GRIN2A: variants seen among roughly 807,000 people sequenced by gnomAD.
GRIN2A encodes glutamate receptor ionotropic, NMDA 2A.
Under a neutral mutation model 113.4 loss-of-function variants are expected in GRIN2A, and 22 were observed. The ratio of observed to expected loss-of-function variants is 0.19; its 90% CI spans 0.14 to 0.28. The LOEUF is 0.28. GRIN2A is among the 10% of genes least tolerant of loss of function. The pLI, the probability that GRIN2A is intolerant of heterozygous loss-of-function variation, is 1.00. For synonymous variants in GRIN2A, 827 were observed against 738.4 expected (o/e 1.12, Z -1.94); for missense variants, 1,502 against 1,887.0 (o/e 0.80, Z 3.78).
chr16:9,966,796 T>C (rs1555458995), intron 2 of GRIN2A, among the ~76,000 whole-genome samples: 1 of 152,082 alleles, frequency 6.6e-6, no homozygotes, highest in Non-Finnish European at 1.5e-5. Context: ...AGACTGACAA[T>C]CCCTGCCCCT....
At chr16:9,798,589 C>T (rs930265385) in intron 10 of GRIN2A, 125 bp from the exon 11 acceptor site, 2 of 672,998 alleles carry the variant, frequency 3.0e-6, no homozygotes, top group Non-Finnish European at 5.3e-6. Flanking sequence ...GACTCATGGC[C>T]TCTCCATCCC....
chr16:9,970,706 T>A, intron 2 of GRIN2A: 1 of 874,552 alleles, frequency 1.1e-6, no homozygotes, highest in Non-Finnish European at 1.4e-6. Context: ...AGTTAGGTAC[T>A]GAAGATAAAA....
intron 2 of GRIN2A, chr16:10,111,827 C>A (rs979413682): frequency 8.0e-7 from 1 of 1,245,296 alleles, no homozygotes; most frequent in Non-Finnish European, 1.2e-6. Context: ...GAGATGGGCA[C>A]CATGGGGAGC....
chr16:9,962,042 G>A (rs2045453420), intron 2 of GRIN2A, among the ~76,000 whole-genome samples: 1 of 152,126 alleles, frequency 6.6e-6, no homozygotes, highest in East Asian at 1.9e-4. Flanking sequence ...ATGGTGCTGG[G>A]AAAACTGCCT....
At chr16:9,881,020 G>T in intron 4 of GRIN2A, among the ~76,000 whole-genome samples, 1 of 152,284 alleles carries the variant, frequency 6.6e-6, no homozygotes, top group South Asian at 2.1e-4. Flanking sequence ...CATAGTGAGT[G>T]CTCAGGAAAT....
intron 2 of GRIN2A, among the ~76,000 whole-genome samples, chr16:9,958,650 A>C (rs772648800): frequency 2.0e-5 from 3 of 152,136 alleles, no homozygotes; most frequent in Non-Finnish European, 4.4e-5. Flanking sequence ...AATTACAGAG[A>C]GCTGGGGAAA....
chr16:10,030,879 G>A (rs560169892), intron 2 of GRIN2A, among the ~76,000 whole-genome samples: 1 of 152,092 alleles, frequency 6.6e-6, no homozygotes, highest in African/African-American at 2.4e-5. Context: ...ACATTCTAGT[G>A]GAAAAAGCAA....
chr16:10,135,017 A>G (rs1011564600), intron 2 of GRIN2A, among the ~76,000 whole-genome samples: 2 of 152,220 alleles, frequency 1.3e-5, no homozygotes, highest in African/African-American at 4.8e-5. Flanking sequence ...CATCTTTTGC[A>G]ATCCAGATAG....
chr16:9,980,266 CAAA>C (rs560335229), intron 2 of GRIN2A, among the ~76,000 whole-genome samples: 1 of 131,552 alleles, frequency 7.6e-6, no homozygotes, highest in African/African-American at 2.8e-5. Context: ...GAGACTGTCT[CAAA>C]AAAAAAAAAA....
At chr16:9,994,292 G>A (rs2243716) in intron 2 of GRIN2A, among the ~76,000 whole-genome samples, 128,919 of 152,150 alleles carry the variant, frequency 0.85, 54,984 homozygotes, top group African/African-American at 0.88. Context: ...CTATTTCAAG[G>A]GGTGACCTGG....
At chr16:9,868,266 A>C (rs2043195493) in intron 4 of GRIN2A, among the ~76,000 whole-genome samples, 1 of 151,700 alleles carries the variant, frequency 6.6e-6, no homozygotes, top group African/African-American at 2.4e-5. Context: ...CCAAACCATC[A>C]CTTTATTTTT....
intron 11 of GRIN2A, 92 bp from the exon 12 acceptor site, chr16:9,769,181 C>A (rs775708040): frequency 1.0e-6 from 1 of 958,120 alleles, no homozygotes; most frequent in Non-Finnish European, 1.7e-6. Context: ...ATGTGCAACT[C>A]ACAGCTATGT....
At chr16:10,068,649 G>A (rs1339612580) in intron 2 of GRIN2A, among the ~76,000 whole-genome samples, 1 of 152,202 alleles carries the variant, frequency 6.6e-6, no homozygotes, top group Admixed American at 6.5e-5. Flanking sequence ...TAAGATTTGG[G>A]CAAGACATCC....
At chr16:9,898,699 C>T (rs946780612) in intron 3 of GRIN2A, among the ~76,000 whole-genome samples, 2 of 151,396 alleles carry the variant, frequency 1.3e-5, no homozygotes, top group African/African-American at 2.4e-5. Flanking sequence ...ACAGTTTCTT[C>T]GTTTGTCATT....
intron 5 of GRIN2A, among the ~76,000 whole-genome samples, chr16:9,842,088 T>G (rs1050910920): frequency 6.6e-6 from 1 of 152,018 alleles, no homozygotes; most frequent in Non-Finnish European, 1.5e-5. Context: ...CTGTCTCTAC[T>G]AAAAATACAA....
At chr16:9,796,519 G>T (rs1375260376) in intron 11 of GRIN2A, among the ~76,000 whole-genome samples, 1 of 152,218 alleles carries the variant, frequency 6.6e-6, no homozygotes, top group Non-Finnish European at 1.5e-5. Flanking sequence ...GCAATCCCTT[G>T]ACCCTGAACT....
intron 2 of GRIN2A, among the ~76,000 whole-genome samples, chr16:10,178,825 GAA>G (rs978256503): frequency 1.3e-5 from 2 of 152,194 alleles, no homozygotes; most frequent in Non-Finnish European, 2.9e-5. Flanking sequence ...GCGCTACAGT[GAA>G]TGTCTGCTCA....
At chr16:9,827,042 G>A (rs1325312588) in intron 9 of GRIN2A, among the ~76,000 whole-genome samples, 1 of 151,620 alleles carries the variant, frequency 6.6e-6, no homozygotes, top group Non-Finnish European at 1.5e-5. Flanking sequence ...CCCATAATGC[G>A]ACAGACTTGC....
At position 9,852,665 on chromosome 16, in the gene GRIN2A, C is replaced by T. The variant is rs964810655; in HGVS notation, c.1123-2704G>A. On this transcript the variant is annotated intron_variant, in intron 4 of 12. Coordinates refer to ENST00000330684, the MANE Select transcript of GRIN2A (RefSeq NM_001134407.3). ...AACACTGCCCTAGGTCCCAAGAGCT[C>T]TTACCTTCTTTTCTCATCTGATAGA... 7.9e-5 allele frequency among the ~76,000 whole-genome samples: 12 copies of T among 152,266 alleles called. No homozygotes were observed. In the South Asian group the frequency reaches 2.3e-3, roughly 29 times the overall value.
Sources: gnomAD v4.1 joint callset for allele counts (sites outside exome capture counted in the v4.1 genomes callset) on GRCh38, gnomAD v4.1.1 for gene constraint, MANE v1.5 for transcripts, NCBI Gene and HGNC (gene_info 2026-07-23, HGNC 2026-07-21) for gene names.